DNHD1: variants seen among roughly 807,000 people sequenced by gnomAD.
DNHD1 encodes the protein dynein heavy chain domain-containing protein 1.
Under a neutral mutation model 458.1 loss-of-function variants are expected in DNHD1, and 383 were observed. That is an observed-to-expected ratio of 0.84 (90% confidence interval 0.77 to 0.91). The LOEUF (loss-of-function observed/expected upper bound fraction) is 0.91. DNHD1 is among the 40% of genes least tolerant of loss of function. DNHD1 has a pLI of 0.00. For missense variants in DNHD1, 5,336 were observed against 5,866.1 expected (o/e 0.91, Z 2.95); for synonymous variants, 2,203 against 2,376.9 (o/e 0.93, Z 2.13).
At chr11:6,556,141 T>A (rs910172971) in intron 24 of DNHD1, among the ~76,000 whole-genome samples, 1 of 152,104 alleles carries the variant, frequency 6.6e-6, no homozygotes, top group Admixed American at 6.5e-5. Flanking sequence ...CCCAGCTATT[T>A]TATTTTTCAT....
chr11:6,554,572 A>C (rs1411581867), intron 24 of DNHD1, among the ~76,000 whole-genome samples: 1 of 152,206 alleles, frequency 6.6e-6, no homozygotes, highest in African/African-American at 2.4e-5. Context: ...ATACATAAAA[A>C]ACTCTTACAA....
rs151040244 is a variant in DNHD1 at position 6,529,019 on chromosome 11, C to T, written c.2245C>T (p.Arg749Cys). Reference protein sequence around the residue: ...PIKNYVTLVSRLNVWQARVSS... With the variant: ...PIKNYVTLVSCLNVWQARVSS... ...CAAGAACTACGTGACGCTGGTGAGCCGCCTGAATGTTTGGCAGGCCCGTGT... is the reference window on the plus strand; with the variant it reads ...CAAGAACTACGTGACGCTGGTGAGCTGCCTGAATGTTTGGCAGGCCCGTGT... The change falls in exon 12 of 43, where the codon CGC becomes TGC. Residue 749 changes from arginine (R) to cysteine (C), a missense_variant. Arg to Cys is a radical substitution (Grantham distance 180, BLOSUM62 -3). This residue lies in a region of DNHD1 where 3,932 missense variants were observed against 4,365.6 expected (regional missense o/e 0.90). Transcript: ENST00000254579. 1.5e-4 allele frequency: 225 copies of T among 1,551,374 alleles called. No homozygotes were observed. In the African/African-American group the frequency reaches 2.3e-3, roughly 16 times the overall value.
intron 7 of DNHD1, among the ~76,000 whole-genome samples, chr11:6,511,860 T>C (rs2555149): frequency 0.56 from 84,472 of 152,040 alleles, 24,676 homozygotes; most frequent in African/African-American, 0.73. Flanking sequence ...ATTATGCATA[T>C]GTTGCATCTG....
chr11:6,571,284 G>A lies in DNHD1; in HGVS notation c.13772G>A (p.Arg4591His), dbSNP rs200510327. The change falls in exon 42 of 43, where the codon CGC becomes CAC. Residue 4591 changes from arginine (R) to histidine (H), a missense_variant. Coordinates refer to ENST00000254579, the MANE Select transcript of DNHD1 (RefSeq NM_144666.3). The surrounding 1 kb of genome is among the most constrained non-coding windows in gnomAD (Gnocchi z 5.0). ...FHLSAFRHPR[R>H]LLLALRGEAA... is the part of the protein sequence containing the mutation. ...CTGTCAGCCTTTCGCCACCCGCGCC[G>A]CCTGCTGCTGGCATTGCGTGGGGAA... The A allele has an allele frequency of 2.4e-4, 390 of 1,612,088 alleles. No individual in the cohort carries two copies. The highest frequency in any genetic ancestry group is 3.2e-4 in the Non-Finnish European group (376 of 1,179,594).
At chr11:6,511,043 C>T (rs1044447635) in intron 6 of DNHD1, among the ~76,000 whole-genome samples, 11 of 152,208 alleles carry the variant, frequency 7.2e-5, no homozygotes, top group African/African-American at 2.4e-4. Flanking sequence ...TAAGCACTTG[C>T]ACATACCCCA....
chr11:6,525,903 A>C (rs929629735), intron 10 of DNHD1, among the ~76,000 whole-genome samples: 4 of 152,066 alleles, frequency 2.6e-5, no homozygotes, highest in African/African-American at 4.8e-5. Context: ...TTTTGTTAGA[A>C]TATGTGTTGG....
In DNHD1 at chr11:6,570,312, C is replaced by A. The variant is rs1288075660; in HGVS notation, c.13021C>A (p.Gln4341Lys). ...EDREALISLT[Q>K]ACLSPSSGSW... The stretch of plus-strand genomic sequence containing the variant: ...CAGGGAGGCCCTGATTAGCCTCACA[C>A]AAGCCTGCCTGAGCCCCAGTAGTGG... The change falls in exon 41 of 43, where the codon CAA becomes AAA. Residue 4341 changes from glutamine (Q) to lysine (K), a missense_variant. Transcript: ENST00000254579. 6.2e-7 allele frequency: 1 copy of A among 1,613,168 alleles called. No homozygotes were observed. The highest frequency in any genetic ancestry group is 8.5e-7 in the Non-Finnish European group (1 of 1,179,640).
At position 6,571,716 on chromosome 11, in the gene DNHD1, C is replaced by A; in HGVS notation, c.13992C>A (p.Asp4664Glu). The A allele has an allele frequency of 6.2e-7, 1 of 1,612,446 alleles. No homozygotes were observed. Among genetic ancestry groups the A allele is most frequent in the Non-Finnish European group, 8.5e-7 (1 of 1,179,230 alleles). The change falls in exon 43 of 43, where the codon GAC becomes GAA. Residue 4664 changes from aspartate (D) to glutamate (E), a missense_variant. Asp to Glu is a conservative substitution (Grantham distance 45). Transcript: ENST00000254579. This position sits in a 1 kb window ranked among gnomAD's most constrained non-coding sequence, Gnocchi z 5.0. ...TACAGGTCCTACATGCGGAGTGGGACCCAATAGCTGGAGCCTTGCAGGACA... is the reference window on the plus strand; with the variant it reads ...TACAGGTCCTACATGCGGAGTGGGAACCAATAGCTGGAGCCTTGCAGGACA... ...IGLQVLHAEW[D>E]PIAGALQDSP...
rs1008872967 is a variant in DNHD1 at position 6,548,602 on chromosome 11, T to C, written c.7099-43T>C. 12 of 1,547,940 alleles carry C rather than the reference T, an allele frequency of 7.8e-6. No homozygotes were observed. The highest frequency in any genetic ancestry group is 1.0e-5 in the Non-Finnish European group (12 of 1,145,136). ...TTTTATTTTCAGCTAGATTACTGTCTTATACTGGAGGTGCTGCAGTAAGTC... is the reference window on the plus strand; with the variant it reads ...TTTTATTTTCAGCTAGATTACTGTCCTATACTGGAGGTGCTGCAGTAAGTC... On this transcript the variant is annotated intron_variant, in intron 23 of 42. Transcript: ENST00000254579. This position sits in a 1 kb window ranked among gnomAD's most constrained non-coding sequence, Gnocchi z 4.4.
At position 6,556,118 on chromosome 11, in the gene DNHD1, A is replaced by G. The variant is rs954439161; in HGVS notation, c.7388-565A>G. Among the ~76,000 whole-genome samples, 3 of 152,104 alleles carry G rather than the reference A, an allele frequency of 2.0e-5. No individual in the cohort carries two copies. In the South Asian group the frequency reaches 6.2e-4, roughly 32 times the overall value. On this transcript the variant is annotated intron_variant, in intron 24 of 42. Transcript: ENST00000254579. ...CCTCCCAAGTAGACAGGTCTACAGCACACATCACCAGGCCCAGCTATTTTA... is the reference window on the plus strand; with the variant it reads ...CCTCCCAAGTAGACAGGTCTACAGCGCACATCACCAGGCCCAGCTATTTTA...
chr11:6,514,555 T>TCCTC (rs1433112013), intron 7 of DNHD1, among the ~76,000 whole-genome samples: 2 of 148,276 alleles, frequency 1.3e-5, no homozygotes, highest in East Asian at 2.1e-4. Context: ...CTCCCTCTCT[T>TCCTC]CCTCCCTCCC....
At chr11:6,560,489 CAGAG>C (rs1370958041) in intron 28 of DNHD1, among the ~76,000 whole-genome samples, 1 of 152,188 alleles carries the variant, frequency 6.6e-6, no homozygotes, top group African/African-American at 2.4e-5. Context: ...AAAAGAAAGT[CAGAG>C]AGCAACAGAA....
At chr11:6,511,548 A>T (rs17244263) in intron 7 of DNHD1, 119 bp downstream of exon 7, 236,637 of 1,324,036 alleles carry the variant, frequency 0.18, 22,154 homozygotes, top group South Asian at 0.22. Flanking sequence ...CTACAGTTGA[A>T]TCAGAGCCAT....
In DNHD1 at chr11:6,545,194, G is replaced by A; in HGVS notation, c.4255G>A (p.Val1419Met). The A allele has an allele frequency of 1.9e-6, 3 of 1,552,004 alleles. No homozygotes were observed. The highest frequency in any genetic ancestry group is 1.7e-6 in the Non-Finnish European group (2 of 1,147,068). Residue 1419 changes from valine to methionine, a missense_variant, in exon 21 of 43, where the codon GTG (valine) becomes ATG (methionine). Around this residue, in one of 4 missense-constraint regions of DNHD1, gnomAD observed 3,932 missense variants for 4,365.6 expected, o/e 0.90. Transcript: ENST00000254579. The surrounding 1 kb of genome is among the most constrained non-coding windows in gnomAD (Gnocchi z 4.9). ...GTCAAGCCCAAACACACAGACTCAG[G>A]TGGAGGCACTTGCAGTGCTAGGGGC... ...WESSPNTQTQ[V>M]EALAVLGAGG...
intron 12 of DNHD1, among the ~76,000 whole-genome samples, chr11:6,531,156 C>A (rs1437596251): frequency 6.6e-6 from 1 of 152,128 alleles, no homozygotes; most frequent in African/African-American, 2.4e-5. Flanking sequence ...TATCTACTCT[C>A]ATCCTTCTTG....
Position 6,502,923 on chromosome 11 carries a change from T to G in DNHD1, c.917T>G (p.Phe306Cys). Residue 306 changes from phenylalanine (F) to cysteine (C), a missense_variant, in exon 4 of 43, where the codon TTT becomes TGT. Phe to Cys is a radical substitution (Grantham distance 205). Transcript: ENST00000254579. ...CTCAATGTGGCTCCCAGCCGGTACT[T>G]TAGGTGATAGCCTATGTCCAGGCCC... ...LYLNVAPSRYFRPYSLMVVPP... is the reference protein window; with the variant it reads ...LYLNVAPSRYCRPYSLMVVPP... 1 of 1,613,550 alleles carries G rather than the reference T, an allele frequency of 6.2e-7. No individual in the cohort carries two copies. Among genetic ancestry groups the G allele is most frequent in the Non-Finnish European group, 8.5e-7 (1 of 1,179,794 alleles).
intron 7 of DNHD1, among the ~76,000 whole-genome samples, chr11:6,517,758 A>G (rs2134390949): frequency 6.8e-6 from 1 of 146,318 alleles, no homozygotes; most frequent in Admixed American, 7.2e-5. Context: ...TCCACCTCAT[A>G]ATACCGTCAC....
chr11:6,509,345 G>A, intron 6 of DNHD1, 73 bp downstream of exon 6: 1 of 1,336,304 alleles, frequency 7.5e-7, no homozygotes, highest in Non-Finnish European at 1.0e-6. Context: ...TATGTTTGTT[G>A]TAGAAAATCT....
In DNHD1 at chr11:6,557,089, GAGCAGCCTGCAGCTGCTGCCCAAC is replaced by G; in HGVS notation, c.7797_7820del (p.Ser2599_Asn2606del). 1 of 1,551,688 alleles carries G rather than the reference GAGCAGCCTGCAGCTGCTGCCCAAC, an allele frequency of 6.4e-7. No individual in the cohort carries two copies. Among genetic ancestry groups the G allele is most frequent in the Non-Finnish European group, 8.7e-7 (1 of 1,146,996 alleles). On this transcript the variant is annotated inframe_deletion, in exon 25 of 43. Transcript: ENST00000254579. ...CCCTACACTCTGTGAGCCACCTACT[GAGCAGCCTGCAGCTGCTGCCCAAC>G]AGAACAGGCTCCCGAGGTTTTGTGG...
Sources: allele counts gnomAD v4.1 joint callset (sites outside exome capture counted in the v4.1 genomes callset), GRCh38; gene constraint gnomAD v4.1.1; regional missense constraint gnomAD v4.1.1; non-coding constraint Gnocchi (gnomAD v3.1); transcripts MANE v1.5; gene names NCBI Gene and HGNC (gene_info 2026-07-23, HGNC 2026-07-21).